ALCAM: variants seen among roughly 807,000 people sequenced by gnomAD.
ALCAM encodes CD166 antigen.
ALCAM carries 30 observed loss-of-function variants against 70.9 expected under a neutral mutation model. The observed-to-expected ratio is 0.42, with a 90% confidence interval of 0.32 to 0.57. The LOEUF is 0.57. Among genes scored for constraint, ALCAM ranks in the 20% least tolerant of loss-of-function variants. ALCAM has a pLI of 0.11. For missense variants in ALCAM, 591 were observed against 695.1 expected, an observed-to-expected ratio of 0.85 and a Z score of 1.68; for synonymous variants, 249 against 242.5, an observed-to-expected ratio of 1.03 and a Z score of -0.25.
chr3:105,384,676 A>G (rs1935605112), intron 1 of ALCAM, among the ~76,000 whole-genome samples: 4 of 151,588 alleles, frequency 2.6e-5, no homozygotes, highest in Admixed American at 2.6e-4. Flanking sequence ...TACCACTGAT[A>G]ACTCTCGTTT....
chr3:105,472,250 CTTTATT>C (rs1406884146), intron 1 of ALCAM, among the ~76,000 whole-genome samples: 1 of 151,118 alleles, frequency 6.6e-6, no homozygotes, highest in Non-Finnish European at 1.5e-5. Context: ...GAATTAATTT[CTTTATT>C]TGAACTTTTC....
At chr3:105,445,132 C>G (rs534423328) in intron 1 of ALCAM, among the ~76,000 whole-genome samples, 102 of 152,146 alleles carry the variant, frequency 6.7e-4, no homozygotes, top group African/African-American at 2.3e-3. Context: ...ATCAAGCTGT[C>G]CTACTATTCA....
At chr3:105,456,114 A>G (rs2152594613) in intron 1 of ALCAM, among the ~76,000 whole-genome samples, 1 of 152,206 alleles carries the variant, frequency 6.6e-6, no homozygotes, top group East Asian at 1.9e-4. Flanking sequence ...ACAAACAAAA[A>G]AGTAGGTGTA....
rs373919200 is a variant in ALCAM at position 105,381,510 on chromosome 3, A to T, written c.73+14029A>T. ...ATTAATTGTTAGTATCATATTCATT[A>T]TGTCATAGTTCCCATCTGTTAATGA... On this transcript the variant is annotated intron_variant, in intron 1 of 15. Transcript: ENST00000306107. 3.3e-5 allele frequency among the ~76,000 whole-genome samples: 5 copies of T among 152,118 alleles called. No homozygotes were observed. The East Asian group carries it at 5.8e-4, about 18-fold the overall frequency.
chr3:105,519,002 C>T (rs190771332), intron 1 of ALCAM, among the ~76,000 whole-genome samples: 1 of 152,114 alleles, frequency 6.6e-6, no homozygotes, highest in East Asian at 1.9e-4. Context: ...TGCAGATTGC[C>T]GTCGCTTTGC....
intron 1 of ALCAM, among the ~76,000 whole-genome samples, chr3:105,474,786 A>C (rs1425177760): frequency 6.6e-6 from 1 of 151,786 alleles, no homozygotes; most frequent in East Asian, 1.9e-4. Flanking sequence ...TAGTTTACTT[A>C]TTATAATTTA....
chr3:105,490,857 C>A (rs1431990481), intron 1 of ALCAM, among the ~76,000 whole-genome samples: 1 of 152,168 alleles, frequency 6.6e-6, no homozygotes, highest in South Asian at 2.1e-4. Flanking sequence ...GCACACAGTG[C>A]AAGCTGTGGA....
At chr3:105,372,931 G>GT (rs1202242470) in intron 1 of ALCAM, among the ~76,000 whole-genome samples, 3 of 152,054 alleles carry the variant, frequency 2.0e-5, no homozygotes, top group Non-Finnish European at 4.4e-5. Context: ...AACATACTAT[G>GT]ACCATGGCAA....
rs1939590200 is a variant in ALCAM at position 105,523,122 on chromosome 3, A to C, written c.175-1167A>C. The stretch of plus-strand genomic sequence containing the variant: ...GCCACTGCACTCCAGCCTGGGCGAC[A>C]GAGCGAGACTCCGTCTCAAAAAAAA... On this transcript the variant is annotated intron_variant, in intron 2 of 15. Transcript: ENST00000306107. 3.0e-5 allele frequency among the ~76,000 whole-genome samples: 4 copies of C among 134,038 alleles called. No homozygotes were observed. In the Admixed American group the frequency reaches 3.2e-4, roughly 11 times the overall value. 87.9% of individuals were successfully genotyped at this position (134,038 alleles called of 152,430 possible). A position where few individuals can be genotyped will look rare whatever the true frequency, so the allele number is the denominator to read the frequency against.
chr3:105,403,987 C>T (rs887845474), intron 1 of ALCAM, among the ~76,000 whole-genome samples: 6 of 150,736 alleles, frequency 4.0e-5, no homozygotes, highest in Non-Finnish European at 8.9e-5. Context: ...GAAGACGGAA[C>T]TTCAGAGCTC....
chr3:105,514,838 A>C (rs1227711024), intron 1 of ALCAM, among the ~76,000 whole-genome samples: 1 of 152,038 alleles, frequency 6.6e-6, no homozygotes, highest in Non-Finnish European at 1.5e-5. Context: ...GCAATGCAGA[A>C]AATGAATTTT....
intron 1 of ALCAM, among the ~76,000 whole-genome samples, chr3:105,380,775 T>G (rs1472948027): frequency 6.6e-6 from 1 of 151,950 alleles, no homozygotes; most frequent in African/African-American, 2.4e-5. Flanking sequence ...TTAAGAATTG[T>G]CAACACAGAA....
chr3:105,515,585 A>G (rs1451340232), intron 1 of ALCAM, among the ~76,000 whole-genome samples: 1 of 151,946 alleles, frequency 6.6e-6, no homozygotes, highest in Admixed American at 6.6e-5. Flanking sequence ...TCATGCCTGG[A>G]GACTTTTTGG....
intron 1 of ALCAM, among the ~76,000 whole-genome samples, chr3:105,503,849 T>A (rs141512177): frequency 3.7e-4 from 56 of 152,300 alleles, no homozygotes; most frequent in Non-Finnish European, 6.6e-4. Context: ...AGGAGTTTCC[T>A]TCATCCTTCT....
rs1940964173 is a variant in ALCAM at position 105,576,437 on chromosome 3, A to G, written c.*1986A>G. On this transcript the variant is annotated 3_prime_UTR_variant, in exon 16 of 16. Coordinates refer to ENST00000306107, the MANE Select transcript of ALCAM (RefSeq NM_001627.4). ...TTTTGGTGTGGGAGATCAAAGGTTT[A>G]AAGTCTAACTTCTAAGATATATTTG... 6.6e-6 allele frequency: 1 copy of G among 152,616 alleles called. No individual in the cohort carries two copies. The highest frequency in any genetic ancestry group is 2.4e-5 in the African/African-American group (1 of 41,444). The allele number at this position is 152,616 out of a possible 1,614,324, so 9.5% of individuals were successfully genotyped here.
At chr3:105,563,064 C>G (rs1379949182) in intron 14 of ALCAM, among the ~76,000 whole-genome samples, 1 of 152,048 alleles carries the variant, frequency 6.6e-6, no homozygotes, top group African/African-American at 2.4e-5. Flanking sequence ...CCTTGGCCTC[C>G]TAAAGTGCTG....
At chr3:105,494,529 T>C (rs1181068862) in intron 1 of ALCAM, among the ~76,000 whole-genome samples, 1 of 151,956 alleles carries the variant, frequency 6.6e-6, no homozygotes, top group African/African-American at 2.4e-5. Context: ...AAAACAAAGT[T>C]GCTCCCTCTT....
chr3:105,492,068 G>C (rs1036268698), intron 1 of ALCAM, among the ~76,000 whole-genome samples: 1 of 152,134 alleles, frequency 6.6e-6, no homozygotes, highest in African/African-American at 2.4e-5. Flanking sequence ...GTATGGCTGG[G>C]GAGGCCTCAG....
intron 1 of ALCAM, among the ~76,000 whole-genome samples, chr3:105,496,147 G>T (rs1264433615): frequency 6.6e-6 from 1 of 152,080 alleles, no homozygotes; most frequent in Non-Finnish European, 1.5e-5. Context: ...CAATACGCAA[G>T]TTCCCCAATA....
Sources: gnomAD v4.1 joint callset for allele counts (sites outside exome capture counted in the v4.1 genomes callset) on GRCh38, gnomAD v4.1.1 for gene constraint, MANE v1.5 for transcripts, NCBI Gene and HGNC (gene_info 2026-07-23, HGNC 2026-07-21) for gene names.